Variants in ROCK1 observed in about 807,000 individuals in gnomAD.
ROCK1 encodes the protein Rho associated coiled-coil containing protein kinase 1.
A neutral mutation model predicts 196.8 loss-of-function variants in ROCK1; 36 were observed. The observed-to-expected ratio is 0.18, with a 90% CI of 0.14 to 0.24. The LOEUF is 0.24. Among genes scored for constraint, ROCK1 ranks in the 10% least tolerant of loss-of-function variants. The pLI, the probability that ROCK1 is intolerant of heterozygous loss-of-function variation, is 1.00. For synonymous variants in ROCK1, 443 were observed against 515.9 expected (o/e 0.86, Z 1.91); for missense variants, 920 against 1,562.0 (o/e 0.59, Z 6.93).
At chr18:20,977,375 T>C (rs533369505) in intron 22 of ROCK1, among the ~76,000 whole-genome samples, 2 of 152,314 alleles carry the variant, frequency 1.3e-5, no homozygotes, top group African/African-American at 4.8e-5. Context: ...AACTAACCAT[T>C]TGCTGTTCCT....
chr18:21,099,404 AAAGT>A (rs2036639322), intron 1 of ROCK1, among the ~76,000 whole-genome samples: 1 of 152,244 alleles, frequency 6.6e-6, no homozygotes, highest in Non-Finnish European at 1.5e-5. Flanking sequence ...GACGTGGATC[AAAGT>A]AAGAATATTC....
intron 10 of ROCK1, among the ~76,000 whole-genome samples, chr18:21,025,185 G>A (rs2035945403): frequency 6.6e-6 from 1 of 152,116 alleles, no homozygotes; most frequent in South Asian, 2.1e-4. Context: ...TATTATATTG[G>A]TGCTTTTACA....
intron 27 of ROCK1, among the ~76,000 whole-genome samples, chr18:20,960,499 G>A (rs117461399): frequency 6.6e-6 from 1 of 152,096 alleles, no homozygotes; most frequent in East Asian, 1.9e-4. Flanking sequence ...ATGGATTGCA[G>A]CTTAAATGGG....
chr18:21,035,269 G>A lies in ROCK1; in HGVS notation c.1051+4203C>T, dbSNP rs578234864. On this transcript the variant is annotated intron_variant, in intron 9 of 32. Transcript: ENST00000399799. ...AAAAAAATTAAACATATGGCTGAGCGTGGTGGCTCACGTCTGCAATCCCAG... is the reference window on the plus strand; with the variant it reads ...AAAAAAATTAAACATATGGCTGAGCATGGTGGCTCACGTCTGCAATCCCAG... Among the ~76,000 whole-genome samples the A allele has an allele frequency of 9.2e-5, 14 of 152,274 alleles. No homozygotes were observed. The East Asian group carries it at 1.2e-3, about 13-fold the overall frequency.
rs536312123 is a variant in ROCK1 at position 21,046,356 on chromosome 18, G to A, written c.415-889C>T. ...TTAGTCAAGTATCCAGATGCCTGGC[G>A]GTTAGCAATTGCTTAATAAAGGCTT... On this transcript the variant is annotated intron_variant, in intron 4 of 32. Coordinates refer to ENST00000399799, the MANE Select transcript of ROCK1 (RefSeq NM_005406.3). 1.7e-4 allele frequency among the ~76,000 whole-genome samples: 26 copies of A among 152,250 alleles called. 1 individual carries two copies. The highest frequency in any genetic ancestry group is 1.3e-3 in the Admixed American group (20 of 15,298).
At chr18:21,110,293 G>A (rs1285883399) in intron 1 of ROCK1, among the ~76,000 whole-genome samples, 4 of 152,090 alleles carry the variant, frequency 2.6e-5, no homozygotes, top group Non-Finnish European at 5.9e-5. Context: ...TTAGCAAAAA[G>A]TTCCTTCAAA....
chr18:20,959,997 T>C (rs2035311414), intron 28 of ROCK1, 69 bp from the exon 29 acceptor site: 1 of 1,070,544 alleles, frequency 9.3e-7, no homozygotes, highest in African/African-American at 1.6e-5. Flanking sequence ...ATAAGCATAA[T>C]ATTTGCCACT....
In ROCK1 at chr18:21,066,142, G is replaced by A. The variant is rs532326484; in HGVS notation, c.175+4390C>T. Among the ~76,000 whole-genome samples, 115 of 152,082 alleles carry A rather than the reference G, an allele frequency of 7.6e-4. 1 individual carries two copies. In the South Asian group the frequency reaches 0.02, roughly 26 times the overall value. On this transcript the variant is annotated intron_variant, in intron 2 of 32. Coordinates refer to ENST00000399799, the MANE Select transcript of ROCK1 (RefSeq NM_005406.3). ...TAAATCTATATAAAAGAATTTCAGC[G>A]GTATGTAAAATGCTATCCTATACAA... is the stretch of plus-strand genomic sequence containing the variant.
intron 1 of ROCK1, among the ~76,000 whole-genome samples, chr18:21,104,201 C>T (rs553746870): frequency 6.6e-6 from 1 of 152,258 alleles, no homozygotes; most frequent in South Asian, 2.1e-4. Context: ...AACTTATAAT[C>T]GTGAAGCAAA....
chr18:21,017,186 CT>C (rs774542704), intron 12 of ROCK1, among the ~76,000 whole-genome samples: 637 of 99,082 alleles, frequency 6.4e-3, no homozygotes, highest in Middle Eastern at 0.016. Context: ...TACCACACTT[CT>C]TTTTTTTTTT....
intron 16 of ROCK1, among the ~76,000 whole-genome samples, chr18:20,998,786 T>G (rs1398572483): frequency 1.3e-5 from 2 of 151,806 alleles, no homozygotes; most frequent in Non-Finnish European, 2.9e-5. Flanking sequence ...GTATTTTTAG[T>G]ACAGATGGGG....
chr18:21,076,805 G>T (rs1392751277), intron 1 of ROCK1, among the ~76,000 whole-genome samples: 1 of 152,000 alleles, frequency 6.6e-6, no homozygotes, highest in Non-Finnish European at 1.5e-5. Flanking sequence ...AAAGTAACAA[G>T]CTATCTGAAG....
chr18:20,960,877 A>G (rs1298187450), intron 27 of ROCK1, among the ~76,000 whole-genome samples: 1 of 152,178 alleles, frequency 6.6e-6, no homozygotes, highest in African/African-American at 2.4e-5. Context: ...GTTCAATTGC[A>G]ATTCTACTCA....
In ROCK1 at chr18:20,947,411, C is replaced by T. The variant is rs1298674992; in HGVS notation, c.*3973G>A. The T allele has an allele frequency of 6.6e-6, 1 of 152,040 alleles. No homozygotes were observed. The highest frequency in any genetic ancestry group is 1.5e-5 in the Non-Finnish European group (1 of 68,012). The allele number at this position is 152,040 out of a possible 1,614,324, so 9.4% of individuals were successfully genotyped here. The stretch of plus-strand genomic sequence containing the variant: ...ATAGATCTTGTCCAGAAAAAAAACA[C>T]TAAAAGCATAAAAGATTTGGCAGTA... On this transcript the variant is annotated 3_prime_UTR_variant, in exon 33 of 33. Coordinates refer to ENST00000399799, the MANE Select transcript of ROCK1 (RefSeq NM_005406.3).
intron 22 of ROCK1, among the ~76,000 whole-genome samples, chr18:20,973,613 C>G (rs114482011): frequency 6.6e-6 from 1 of 151,990 alleles, no homozygotes; most frequent in African/African-American, 2.4e-5. Context: ...GAGATAGGAT[C>G]GAGGGACTAG....
chr18:21,098,117 A>C (rs1464818680), intron 1 of ROCK1, among the ~76,000 whole-genome samples: 1 of 152,198 alleles, frequency 6.6e-6, no homozygotes. Context: ...CTTCAATGTG[A>C]CGGTGTATGT....
At chr18:20,996,448 G>C (rs2035671300) in intron 16 of ROCK1, among the ~76,000 whole-genome samples, 1 of 152,184 alleles carries the variant, frequency 6.6e-6, no homozygotes, top group South Asian at 2.1e-4. Flanking sequence ...GAGTATCTAA[G>C]AGTTATTAGC....
chr18:20,959,183 TTATATATAA>T (rs1260763794), intron 29 of ROCK1, among the ~76,000 whole-genome samples: 2 of 84,176 alleles, frequency 2.4e-5, no homozygotes, highest in Non-Finnish European at 4.2e-5. Flanking sequence ...ATATATAATA[TTATATATAA>T]TATATATAAT....
chr18:21,098,508 T>C (rs973130838), intron 1 of ROCK1, among the ~76,000 whole-genome samples: 3 of 151,898 alleles, frequency 2.0e-5, no homozygotes, highest in South Asian at 4.1e-4. Context: ...GATCTGGACA[T>C]AGGGGAAATC....
Sources: allele counts gnomAD v4.1 joint callset (sites outside exome capture counted in the v4.1 genomes callset), GRCh38; gene constraint gnomAD v4.1.1; transcripts MANE v1.5; gene names NCBI Gene and HGNC (gene_info 2026-07-23, HGNC 2026-07-21).